The following SH3KBP1 variants were observed in gnomAD, a reference collection of about 807,000 sequenced individuals.
The protein encoded by SH3KBP1 is SH3 domain-containing kinase-binding protein 1.
A neutral mutation model predicts 50.1 loss-of-function variants in SH3KBP1; 8 were observed. The ratio of observed to expected loss-of-function variants is 0.16; its 90% CI spans 0.09 to 0.29. SH3KBP1 has a LOEUF of 0.29. Ranked by LOEUF, SH3KBP1 falls within the 10% of genes least tolerant of loss-of-function variation. SH3KBP1 has a pLI of 1.00. For missense variants in SH3KBP1, 377 were observed against 535.2 expected, an observed-to-expected ratio of 0.70 and a Z score of 2.92; for synonymous variants, 227 against 218.6, an observed-to-expected ratio of 1.04 and a Z score of -0.34.
intron 1 of SH3KBP1, among the ~76,000 whole-genome samples, chrX:19,881,776 C>T (rs1490250999): frequency 9.0e-6 from 1 of 111,506 alleles, no homozygotes; most frequent in East Asian, 2.8e-4. Context: ...CACAGGTGGA[C>T]AGGGGTGGAA....
chrX:19,542,580 A>G (rs924295168), intron 15 of SH3KBP1, among the ~76,000 whole-genome samples: 2 of 111,315 alleles, frequency 1.8e-5, no homozygotes, highest in Non-Finnish European at 1.9e-5. Context: ...AGACCAACGC[A>G]CTGAGATGGG....
chrX:19,642,941 G>A (rs1302060116), intron 7 of SH3KBP1, among the ~76,000 whole-genome samples: 1 of 111,365 alleles, frequency 9.0e-6, no homozygotes, highest in African/African-American at 3.3e-5. Context: ...ATGTGAGCTA[G>A]TATTTTAGCA....
intron 6 of SH3KBP1, among the ~76,000 whole-genome samples, chrX:19,675,179 C>T (rs2062896841): frequency 1.8e-5 from 2 of 111,405 alleles, no homozygotes; most frequent in Admixed American, 1.9e-4. Flanking sequence ...ATAAGGACAA[C>T]AATAATAATA....
intron 2 of SH3KBP1, among the ~76,000 whole-genome samples, chrX:19,774,475 T>A (rs1487234502): frequency 2.8e-5 from 3 of 109,073 alleles, no homozygotes; most frequent in African/African-American, 1.0e-4. Flanking sequence ...ATCGAGACCA[T>A]CCTGGCTAAC....
At chrX:19,579,231 C>T (rs1288764507) in intron 12 of SH3KBP1, among the ~76,000 whole-genome samples, 2 of 112,117 alleles carry the variant, frequency 1.8e-5, no homozygotes, top group Non-Finnish European at 3.8e-5. Context: ...GCAGACTCTG[C>T]AAATATATCT....
intron 2 of SH3KBP1, among the ~76,000 whole-genome samples, chrX:19,790,174 T>C (rs1389284233): frequency 9.0e-6 from 1 of 110,664 alleles, no homozygotes; most frequent in East Asian, 2.9e-4. Context: ...CAGAAAGCCC[T>C]GACTTTTCAG....
intron 16 of SH3KBP1, among the ~76,000 whole-genome samples, chrX:19,539,631 G>C (rs1482327510): frequency 8.9e-6 from 1 of 112,027 alleles, no homozygotes. Flanking sequence ...AAGTCTATGA[G>C]GAGGAAGAAA....
intron 3 of SH3KBP1, among the ~76,000 whole-genome samples, chrX:19,714,350 T>C (rs192580479): frequency 1.8e-5 from 2 of 111,835 alleles, no homozygotes; most frequent in East Asian, 5.6e-4. Flanking sequence ...AAGACTATAA[T>C]TGGATTGTTA....
At position 19,818,287 on chromosome X, in the gene SH3KBP1, T is replaced by C. The variant is rs189601271; in HGVS notation, c.162+17838A>G. 5.3e-4 allele frequency among the ~76,000 whole-genome samples: 60 copies of C among 112,654 alleles called. 1 individual carries two copies. In the East Asian group the frequency reaches 7.8e-3, roughly 15 times the overall value. On this transcript the variant is annotated intron_variant, in intron 2 of 17. Coordinates refer to ENST00000397821, the MANE Select transcript of SH3KBP1 (RefSeq NM_031892.3). ...AAATTGTGTGTTTGATCTTATATCC[T>C]GTGACCTTACTGCACTCACTTATTC...
intron 6 of SH3KBP1, among the ~76,000 whole-genome samples, chrX:19,656,509 A>T (rs867350333): frequency 2.6e-4 from 29 of 112,178 alleles, no homozygotes; most frequent in African/African-American, 8.1e-4. Flanking sequence ...ACTATGATGG[A>T]AAAATTTCCA....
intron 12 of SH3KBP1, among the ~76,000 whole-genome samples, chrX:19,572,234 TATATATGTTATATAGAGTAC>T (rs1303790224): frequency 2.8e-5 from 3 of 106,894 alleles, no homozygotes; most frequent in Admixed American, 2.1e-4. Flanking sequence ...ATATAGTACA[TATATATGTTATATAGAGTAC>T]ATATATGTTA....
At position 19,769,841 on chromosome X, in the gene SH3KBP1, C is replaced by T. The variant is rs187928620; in HGVS notation, c.163-23400G>A. On this transcript the variant is annotated intron_variant, in intron 2 of 17. Coordinates refer to ENST00000397821, the MANE Select transcript of SH3KBP1 (RefSeq NM_031892.3). ...ATCAAAGTCCAGAAGTTTATTCTTT[C>T]CAAGTTCTCATGCTAAACTCTGACT... Among the ~76,000 whole-genome samples the T allele has an allele frequency of 1.3e-3, 147 of 111,094 alleles. 5 individuals carry two copies. Among genetic ancestry groups the T allele is most frequent in the Non-Finnish European group, 1.2e-3 (65 of 52,996 alleles).
chrX:19,560,974 T>C (rs978073086), intron 13 of SH3KBP1, among the ~76,000 whole-genome samples: 1 of 104,739 alleles, frequency 9.5e-6, no homozygotes, highest in African/African-American at 3.5e-5. Context: ...CTTGGGAGGC[T>C]GAGGTAGGAG....
intron 1 of SH3KBP1, among the ~76,000 whole-genome samples, chrX:19,863,468 C>T (rs1480953495): frequency 1.8e-5 from 2 of 112,338 alleles, no homozygotes; most frequent in South Asian, 3.7e-4. Flanking sequence ...GTCATGGGAC[C>T]GTGGGAAAGG....
intron 6 of SH3KBP1, among the ~76,000 whole-genome samples, chrX:19,669,992 T>A (rs893091461): frequency 1.8e-5 from 2 of 109,014 alleles, no homozygotes; most frequent in Non-Finnish European, 3.8e-5. Flanking sequence ...CCCCTTAAAA[T>A]TTTTTTTTCA....
At chrX:19,582,150 C>T (rs1419588477) in intron 12 of SH3KBP1, among the ~76,000 whole-genome samples, 2 of 112,250 alleles carry the variant, frequency 1.8e-5, no homozygotes, top group African/African-American at 6.5e-5. Context: ...TAGCAACCAA[C>T]TCCCCCATAT....
At chrX:19,707,282 C>T (rs1212452603) in intron 3 of SH3KBP1, among the ~76,000 whole-genome samples, 1 of 111,804 alleles carries the variant, frequency 8.9e-6, no homozygotes, top group African/African-American at 3.3e-5. Context: ...TTGCCTTAAA[C>T]GGTTTTCCAT....
At chrX:19,787,037 C>T (rs1436079352) in intron 2 of SH3KBP1, among the ~76,000 whole-genome samples, 4 of 111,793 alleles carry the variant, frequency 3.6e-5, no homozygotes. Flanking sequence ...GACTATTATA[C>T]AGCTTAATGA....
chrX:19,734,788 C>G (rs759017655), intron 3 of SH3KBP1, among the ~76,000 whole-genome samples: 1 of 111,996 alleles, frequency 8.9e-6, no homozygotes, highest in Non-Finnish European at 1.9e-5. Context: ...AATATGCGGT[C>G]TTTTGTGACT....
Sources: allele counts gnomAD v4.1 joint callset (sites outside exome capture counted in the v4.1 genomes callset), GRCh38; gene constraint gnomAD v4.1.1; transcripts MANE v1.5; gene names NCBI Gene and HGNC (gene_info 2026-07-23, HGNC 2026-07-21).